HLX: variants seen among roughly 807,000 people sequenced by gnomAD.
HLX encodes H2.0 like homeobox, also known as H2.0-like homeobox protein.
Under a neutral mutation model 27.7 loss-of-function variants are expected in HLX, and 6 were observed. The ratio of observed to expected loss-of-function variants is 0.22; its 90% CI spans 0.12 to 0.43. The LOEUF is 0.43. Ranked by LOEUF, HLX falls within the 20% of genes least tolerant of loss-of-function variation. The pLI, the probability that HLX is intolerant of heterozygous loss-of-function variation, is 1.00. For missense variants in HLX, 666 were observed against 655.2 expected (o/e 1.02, Z -0.18); for synonymous variants, 328 against 293.8 (o/e 1.12, Z -1.19).
At chr1:220,881,473 A>C in intron 2 of HLX, 100 bp downstream of exon 2, 37 of 991,626 alleles carry the variant, frequency 3.7e-5, no homozygotes, top group Non-Finnish European at 5.8e-5. Context: ...TCGCAATCTC[A>C]CAATTGGGGC....
chr1:220,881,139 G>A lies in HLX; in HGVS notation c.593-55G>A, dbSNP rs191600946. On this transcript the variant is annotated intron_variant, in intron 1 of 3. Coordinates refer to ENST00000366903, the MANE Select transcript of HLX (RefSeq NM_021958.4). The stretch of plus-strand genomic sequence containing the variant: ...AGGGGAAGGGGAGGAACAAATCAGC[G>A]GAGAGTGTGAGTGTGCCCGAGATGT... 2.0e-4 allele frequency: 293 copies of A among 1,461,770 alleles called. 1 individual carries two copies. In the African/African-American group the frequency reaches 3.6e-3, roughly 18 times the overall value. 90.5% of individuals were successfully genotyped at this position (1,461,770 alleles called of 1,614,324 possible). A position where few individuals can be genotyped will look rare whatever the true frequency, so the allele number is the denominator to read the frequency against.
intron 2 of HLX, chr1:220,881,607 C>T (rs1485555340): frequency 2.0e-5 from 12 of 590,266 alleles, no homozygotes. Context: ...TGTGCGTGGA[C>T]GGTGGGGTGG....
Position 220,879,842 on chromosome 1 carries a change from G to A in HLX, c.-16G>A. On this transcript the variant is annotated 5_prime_UTR_variant, in exon 1 of 4. Transcript: ENST00000366903. ...TCCGGCTGGACTGCGGCAGCCGCGC[G>A]GCTCACCCCGGCAGGATGTTCGCAG... The A allele has an allele frequency of 6.4e-7, 1 of 1,558,606 alleles. No homozygotes were observed. The highest frequency in any genetic ancestry group is 8.6e-7 in the Non-Finnish European group (1 of 1,160,096).
Position 220,884,685 on chromosome 1 carries a change from G to A in HLX, c.1448G>A (p.Gly483Asp), listed in dbSNP as rs1335651849. The stretch of plus-strand genomic sequence containing the variant: ...CCCAAAAGCCCCGAGCCAGCCCAAG[G>A]CGCGCTTGGCTGCTTATAGACTGTA... Reference protein sequence around the residue: ...SAPKSPEPAQGALGCL With the variant: ...SAPKSPEPAQDALGCL The change falls in exon 4 of 4, where the codon GGC becomes GAC. Residue 483 changes from glycine (G) to aspartate (D), a missense_variant. Physicochemically the swap from Gly to Asp is moderately conservative, Grantham distance 94. Transcript: ENST00000366903. The surrounding 1 kb of genome is among the most constrained non-coding windows in gnomAD (Gnocchi z 4.9). The A allele has an allele frequency of 1.2e-6, 2 of 1,610,390 alleles. No homozygotes were observed. Among genetic ancestry groups the A allele is most frequent in the South Asian group, 2.2e-5 (2 of 90,932 alleles).
In HLX at chr1:220,883,613, C is replaced by T. The variant is rs1387185251; in HGVS notation, c.958-582C>T. ...TACTGAAAGCCCAACAATGCCCCCA[C>T]CCTACTGTGATTAACAGTTTAAAAC... On this transcript the variant is annotated intron_variant, in intron 3 of 3. Coordinates refer to ENST00000366903, the MANE Select transcript of HLX (RefSeq NM_021958.4). 3 of 155,600 alleles carry T rather than the reference C, an allele frequency of 1.9e-5. 1 individual carries two copies. Among genetic ancestry groups the T allele is most frequent in the South Asian group, 3.9e-4 (2 of 5,172 alleles). 9.6% of individuals were successfully genotyped at this position (155,600 alleles called of 1,614,324 possible).
rs145263479 is a variant in HLX at position 220,883,781 on chromosome 1, G to A, written c.958-414G>A. On this transcript the variant is annotated intron_variant, in intron 3 of 3. Coordinates refer to ENST00000366903, the MANE Select transcript of HLX (RefSeq NM_021958.4). Reference sequence around the variant, plus strand: ...CTTGACATTGTAAGCAATATCTTGGGCATATGTGTATTTTTCTGGGCTAGG... The same window carrying A: ...CTTGACATTGTAAGCAATATCTTGGACATATGTGTATTTTTCTGGGCTAGG... 8.4e-4 allele frequency: 171 copies of A among 204,228 alleles called. 1 individual carries two copies. The highest frequency in any genetic ancestry group is 4.0e-3 in the African/African-American group (171 of 43,260). The allele number at this position is 204,228 out of a possible 1,614,324, so 12.7% of individuals were successfully genotyped here.
At chr1:220,880,500 G>A in intron 1 of HLX, 51 bp downstream of exon 1, 2 of 1,603,248 alleles carry the variant, frequency 1.2e-6, no homozygotes, top group South Asian at 2.2e-5. Flanking sequence ...CCCACTCCCC[G>A]GACCCCGGGC....
chr1:220,881,232 G>A lies in HLX; in HGVS notation c.631G>A (p.Val211Met). 6.2e-7 allele frequency: 1 copy of A among 1,614,112 alleles called. No individual in the cohort carries two copies. The highest frequency in any genetic ancestry group is 2.2e-5 in the East Asian group (1 of 44,878). Reference sequence around the variant, plus strand: ...GCTAACCGGTGGGCGGCCCGCCGGGGTGCACCTCTCAGGCCTGCAGCCCTC... The same window carrying A: ...GCTAACCGGTGGGCGGCCCGCCGGGATGCACCTCTCAGGCCTGCAGCCCTC... ...SLLTGGRPAG[V>M]HLSGLQPSAG... Residue 211 changes from valine (V) to methionine (M), a missense_variant, in exon 2 of 4, where the codon GTG (valine) becomes ATG (methionine). By Grantham distance (21) the Val-to-Met change is conservative. Transcript: ENST00000366903.
chr1:220,882,384 G>T (rs773982269), intron 3 of HLX, 36 bp downstream of exon 3: 2 of 1,606,004 alleles, frequency 1.2e-6, no homozygotes. Context: ...CAGCGCCCTC[G>T]GGCGGGCAGC....
rs942697427 is a variant in HLX, at chr1:220,884,258, A to C, written c.1021A>C (p.Lys341Gln). 1 of 1,613,954 alleles carries C rather than the reference A, an allele frequency of 6.2e-7. No individual in the cohort carries two copies. Among genetic ancestry groups the C allele is most frequent in the African/African-American group, 1.3e-5 (1 of 74,996 alleles). The change falls in exon 4 of 4, where the codon AAG (lysine) becomes CAG (glutamine). Residue 341 changes from lysine (K) to glutamine (Q), a missense_variant. By Grantham distance (53) the Lys-to-Gln change is moderately conservative. Coordinates refer to ENST00000366903, the MANE Select transcript of HLX (RefSeq NM_021958.4). The surrounding 1 kb of genome is among the most constrained non-coding windows in gnomAD (Gnocchi z 4.9). ...WRHSKEAQAQ[K>Q]DKDKEAGEKP... Reference sequence around the variant, plus strand: ...GCACTCCAAGGAGGCCCAGGCCCAAAAGGACAAGGACAAGGAGGCTGGCGA... The same window carrying C: ...GCACTCCAAGGAGGCCCAGGCCCAACAGGACAAGGACAAGGAGGCTGGCGA...
rs370813784 is a variant in HLX at position 220,879,752 on chromosome 1, C to A, written c.-106C>A. The A allele has an allele frequency of 2.3e-5, 33 of 1,424,322 alleles. No homozygotes were observed. The highest frequency in any genetic ancestry group is 5.7e-5 in the Admixed American group (2 of 35,300). The allele number at this position is 1,424,322 out of a possible 1,614,324, so 88.2% of individuals were successfully genotyped here. Reference sequence around the variant, plus strand: ...TGCGGGCGGAGAAGCGAAAGCGGATCGTCCTCGGCTGCCGCCGCCTTCTCC... The same window carrying A: ...TGCGGGCGGAGAAGCGAAAGCGGATAGTCCTCGGCTGCCGCCGCCTTCTCC... On this transcript the variant is annotated 5_prime_UTR_variant, in exon 1 of 4. Coordinates refer to ENST00000366903, the MANE Select transcript of HLX (RefSeq NM_021958.4).
At chr1:220,880,539 C>A in intron 1 of HLX, 90 bp downstream of exon 1, 1 of 1,347,416 alleles carries the variant, frequency 7.4e-7, no homozygotes, top group South Asian at 1.2e-5. Flanking sequence ...AGTGTTTTTA[C>A]AATTAAGGAC....
chr1:220,884,404 C>T lies in HLX; in HGVS notation c.1167C>T (p.Ser389=). 6.2e-7 allele frequency: 1 copy of T among 1,614,104 alleles called. No homozygotes were observed. Among genetic ancestry groups the T allele is most frequent in the Non-Finnish European group, 8.5e-7 (1 of 1,179,988 alleles). ...SDSESLDMAP[S]DTERTEGSER... ...CCGAGTCCCTGGACATGGCCCCCAG[C>T]GACACGGAGCGGACTGAGGGGAGTG... The change falls in exon 4 of 4, where the codon AGC becomes AGT. Residue 389 remains serine (S), a synonymous_variant. Transcript: ENST00000366903. This position sits in a 1 kb window ranked among gnomAD's most constrained non-coding sequence, Gnocchi z 4.9.
In HLX at chr1:220,884,535, GT is replaced by G. The variant is rs1190884854; in HGVS notation, c.1301del (p.Phe434SerfsTer59). On this transcript the variant is annotated frameshift_variant, in exon 4 of 4. Coordinates refer to ENST00000366903, the MANE Select transcript of HLX (RefSeq NM_021958.4). LOFTEE classifies it low-confidence loss of function (END_TRUNC). This position sits in a 1 kb window ranked among gnomAD's most constrained non-coding sequence, Gnocchi z 4.9. ...GGGAGCAGCGGCGGCGGCGGCAATAGTTTCAGCTTCAGCAGCGCCAGCAGTC... is the reference window on the plus strand; with the variant it reads ...GGGAGCAGCGGCGGCGGCGGCAATAGTTCAGCTTCAGCAGCGCCAGCAGTC... ...SGGSSGGGGN[S>X]FSFSSASSLS... 3 of 1,610,676 alleles carry G rather than the reference GT, an allele frequency of 1.9e-6. No homozygotes were observed. Among genetic ancestry groups the G allele is most frequent in the East Asian group, 2.2e-5 (1 of 44,796 alleles).
chr1:220,879,870 G>C lies in HLX; in HGVS notation c.13G>C (p.Gly5Arg). The C allele has an allele frequency of 6.3e-7, 1 of 1,582,914 alleles. No homozygotes were observed. Among genetic ancestry groups the C allele is most frequent in the Non-Finnish European group, 8.5e-7 (1 of 1,171,640 alleles). The change falls in exon 1 of 4, where the codon GGG becomes CGG. Residue 5 changes from glycine (G) to arginine (R), a missense_variant. Physicochemically the swap from Gly to Arg is moderately radical, Grantham distance 125 (BLOSUM62 -2). Coordinates refer to ENST00000366903, the MANE Select transcript of HLX (RefSeq NM_021958.4). ...TCACCCCGGCAGGATGTTCGCAGCC[G>C]GGCTGGCTCCCTTCTACGCCTCCAA... MFAA[G>R]LAPFYASNFS...
chr1:220,881,305 C>T lies in HLX; in HGVS notation c.704C>T (p.Ala235Val), dbSNP rs140376930. Residue 235 changes from alanine (A) to valine (V), a missense_variant, in exon 2 of 4, where the codon GCA becomes GTA. Physicochemically the swap from Ala to Val is moderately conservative, Grantham distance 64. Coordinates refer to ENST00000366903, the MANE Select transcript of HLX (RefSeq NM_021958.4). The part of the protein sequence containing the change: ...ASLDPINEAS[A>V]ILSPLNSNPR... The stretch of plus-strand genomic sequence containing the variant: ...CTAGATCCCATTAACGAGGCTTCTG[C>T]AATCCTGAGTCCCTTAAACTCGAAC... 4,648 of 1,613,996 alleles carry T rather than the reference C, an allele frequency of 2.9e-3. 145 individuals carry two copies. The South Asian group carries it at 0.044, about 15-fold the overall frequency.
Position 220,880,414 on chromosome 1 carries a change from T to C in HLX, c.557T>C (p.Phe186Ser), listed in dbSNP as rs1287176480. Residue 186 changes from phenylalanine to serine, a missense_variant, in exon 1 of 4, where the codon TTT (phenylalanine) becomes TCT (serine). Physicochemically the swap from Phe to Ser is radical, Grantham distance 155. Transcript: ENST00000366903. ...ATTGACCGCATTTTATCTGCAGAATTTGACCCAAAAGTCAAAGAAGGCAAC... is the reference window on the plus strand; with the variant it reads ...ATTGACCGCATTTTATCTGCAGAATCTGACCCAAAAGTCAAAGAAGGCAAC... Reference protein sequence around the residue: ...FGIDRILSAEFDPKVKEGNTL... With the variant: ...FGIDRILSAESDPKVKEGNTL... 1.9e-6 allele frequency: 3 copies of C among 1,613,940 alleles called. No individual in the cohort carries two copies. Among genetic ancestry groups the C allele is most frequent in the South Asian group, 2.2e-5 (2 of 91,088 alleles).
chr1:220,884,819 C>G lies in HLX; in HGVS notation c.*115C>G. On this transcript the variant is annotated 3_prime_UTR_variant, in exon 4 of 4. Coordinates refer to ENST00000366903, the MANE Select transcript of HLX (RefSeq NM_021958.4). The surrounding 1 kb of genome is among the most constrained non-coding windows in gnomAD (Gnocchi z 4.9). ...TAGGGCAGGAGACGCAGCGTGGAGC[C>G]TACCTCCCGACATTCACGCTTCGCC... The G allele has an allele frequency of 1.4e-6, 2 of 1,466,038 alleles. No homozygotes were observed. Among genetic ancestry groups the G allele is most frequent in the Non-Finnish European group, 1.8e-6 (2 of 1,099,906 alleles). The allele number at this position is 1,466,038 out of a possible 1,614,324, so 90.8% of individuals were successfully genotyped here. A position where few individuals can be genotyped will look rare whatever the true frequency, so the allele number is the denominator to read the frequency against.
At position 220,884,729 on chromosome 1, in the gene HLX, G is replaced by A; in HGVS notation, c.*25G>A. The A allele has an allele frequency of 1.2e-6, 2 of 1,601,792 alleles. No homozygotes were observed. The highest frequency in any genetic ancestry group is 1.7e-6 in the Non-Finnish European group (2 of 1,178,226). The stretch of plus-strand genomic sequence containing the variant: ...GACTGTACTAGGGCGGAGGGGATCC[G>A]GGCCTTGCGTGCAGCCTCCCAACCA... On this transcript the variant is annotated 3_prime_UTR_variant, in exon 4 of 4. Transcript: ENST00000366903. The surrounding 1 kb of genome is among the most constrained non-coding windows in gnomAD (Gnocchi z 4.9).
Sources: allele counts gnomAD v4.1 joint callset, GRCh38; gene constraint gnomAD v4.1.1; non-coding constraint Gnocchi (gnomAD v3.1); transcripts MANE v1.5; gene names NCBI Gene and HGNC (gene_info 2026-07-23, HGNC 2026-07-21).